The following LCOR variants were observed in gnomAD, a reference collection of about 807,000 sequenced individuals.
LCOR encodes ligand dependent nuclear receptor corepressor, also known as ligand-dependent corepressor.
Under a neutral mutation model 64.4 loss-of-function variants are expected in LCOR, and 14 were observed. That is an observed-to-expected ratio of 0.22 (90% confidence interval 0.14 to 0.34). The LOEUF (loss-of-function observed/expected upper bound fraction) is 0.34, where lower values mean the gene tolerates loss of function less well. LCOR is among the 10% of genes least tolerant of loss of function. The probability of loss-of-function intolerance (pLI) is 1.00; values close to 1 mark genes in which losing one functional copy is unlikely to be tolerated. For missense variants in LCOR, 1,686 were observed against 1,765.3 expected, an observed-to-expected ratio of 0.96 and a Z score of 0.80; for synonymous variants, 643 against 642.5, an observed-to-expected ratio of 1.00 and a Z score of -0.01.
In LCOR at chr10:96,993,112, C is replaced by G. The variant is rs1442822166; in HGVS notation, c.*7978C>G. 6.6e-6 allele frequency: 1 copy of G among 152,218 alleles called. No individual in the cohort carries two copies. Among genetic ancestry groups the G allele is most frequent in the Admixed American group, 6.5e-5 (1 of 15,288 alleles). The allele number at this position is 152,218 out of a possible 1,614,324, so 9.4% of individuals were successfully genotyped here. ...GAACCAGTGCTTTATGATCATGTTCCTCTTCTCTGTGCCCTGTCCTTCGGC... is the reference window on the plus strand; with the variant it reads ...GAACCAGTGCTTTATGATCATGTTCGTCTTCTCTGTGCCCTGTCCTTCGGC... On this transcript the variant is annotated 3_prime_UTR_variant, in exon 8 of 8. Transcript: ENST00000421806.
chr10:96,865,182 T>C (rs955808185), intron 2 of LCOR, among the ~76,000 whole-genome samples: 6 of 152,194 alleles, frequency 3.9e-5, no homozygotes, highest in Admixed American at 6.5e-5. Flanking sequence ...TTCTGGTTTA[T>C]ATAAAAATTT....
intron 7 of LCOR, among the ~76,000 whole-genome samples, chr10:96,971,360 T>C (rs1008083755): frequency 3.3e-5 from 5 of 152,194 alleles, no homozygotes; most frequent in Non-Finnish European, 2.9e-5. Context: ...CATAATAATT[T>C]ATTTGAATAG....
intron 2 of LCOR, among the ~76,000 whole-genome samples, chr10:96,851,025 G>A (rs577347963): frequency 5.3e-5 from 8 of 152,346 alleles, no homozygotes; most frequent in African/African-American, 1.7e-4. Context: ...TAAACTTGAT[G>A]TAATAGGCAA....
intron 2 of LCOR, among the ~76,000 whole-genome samples, chr10:96,891,443 C>T (rs1229648295): frequency 1.5e-5 from 2 of 132,104 alleles, no homozygotes; most frequent in African/African-American, 5.9e-5. Context: ...TGATTTTTTC[C>T]GAGAAATTTT....
intron 7 of LCOR, chr10:96,956,713 G>A: frequency 3.0e-6 from 3 of 985,806 alleles, no homozygotes; most frequent in Non-Finnish European, 3.6e-6. Context: ...TGAGGATATA[G>A]CCTTATCTCA....
chr10:96,991,549 G>C lies in LCOR; in HGVS notation c.*6415G>C, dbSNP rs761031777. The C allele has an allele frequency of 2.6e-5, 4 of 152,182 alleles. No homozygotes were observed. The highest frequency in any genetic ancestry group is 4.4e-5 in the Non-Finnish European group (3 of 68,044). The allele number at this position is 152,182 out of a possible 1,614,324, so 9.4% of individuals were successfully genotyped here. A position where few individuals can be genotyped will look rare whatever the true frequency, so the allele number is the denominator to read the frequency against. ...ATGCGATGTGTTGGTTTTACCCCTA[G>C]AACCCTTCATTTCTCTTTTGTATCA... On this transcript the variant is annotated 3_prime_UTR_variant, in exon 8 of 8. Coordinates refer to ENST00000421806, the MANE Select transcript of LCOR (RefSeq NM_001346516.2).
At chr10:96,942,054 GGC>G (rs1847495806) in intron 4 of LCOR, among the ~76,000 whole-genome samples, 1 of 136,688 alleles carries the variant, frequency 7.3e-6, no homozygotes, top group South Asian at 2.5e-4. Context: ...GCTGGGCAGA[GGC>G]TGCAATCTCG....
chr10:96,981,820 AAAAG>A lies in LCOR; in HGVS notation c.1361_1364del (p.Lys454IlefsTer7). The A allele has an allele frequency of 6.2e-7, 1 of 1,614,266 alleles. No individual in the cohort carries two copies. Among genetic ancestry groups the A allele is most frequent in the Non-Finnish European group, 8.5e-7 (1 of 1,180,054 alleles). ...ATCAACCTCCATCAAGACAGCTCGG[AAAAG>A]TAAAAGGGCATCAGGGCTGAGGATA... On this transcript the variant is annotated frameshift_variant, in exon 8 of 8. Coordinates refer to ENST00000421806, the MANE Select transcript of LCOR (RefSeq NM_001346516.2). LOFTEE classifies it low-confidence loss of function (END_TRUNC).
intron 4 of LCOR, among the ~76,000 whole-genome samples, chr10:96,914,776 T>C (rs558293273): frequency 6.6e-6 from 1 of 152,246 alleles, no homozygotes; most frequent in African/African-American, 2.4e-5. Context: ...ACCCTGACTT[T>C]AAGGAAGTGA....
At chr10:96,934,048 A>C (rs1025313344) in intron 4 of LCOR, among the ~76,000 whole-genome samples, 5 of 152,238 alleles carry the variant, frequency 3.3e-5, no homozygotes, top group Admixed American at 1.3e-4. Context: ...TGTTCACCTT[A>C]GCAAATTTCA....
intron 4 of LCOR, among the ~76,000 whole-genome samples, chr10:96,916,895 G>C (rs140119687): frequency 9.9e-5 from 15 of 152,176 alleles, no homozygotes; most frequent in Non-Finnish European, 1.8e-4. Context: ...GATTACAGGC[G>C]TGAGCCACTG....
At chr10:96,886,821 C>T (rs1391411891) in intron 2 of LCOR, among the ~76,000 whole-genome samples, 1 of 152,188 alleles carries the variant, frequency 6.6e-6, no homozygotes, top group African/African-American at 2.4e-5. Context: ...CAAAAGTACC[C>T]ATTTATTCCT....
intron 2 of LCOR, among the ~76,000 whole-genome samples, chr10:96,873,806 AT>A (rs1846118543): frequency 6.6e-6 from 1 of 151,958 alleles, no homozygotes; most frequent in Non-Finnish European, 1.5e-5. Context: ...GTTTCACCAT[AT>A]TGGTAATGCT....
At chr10:96,841,496 G>T (rs1329430449) in intron 2 of LCOR, among the ~76,000 whole-genome samples, 1 of 151,952 alleles carries the variant, frequency 6.6e-6, no homozygotes, top group Admixed American at 6.6e-5. Context: ...GAGTAGCTGG[G>T]ATTAGAGGTG....
chr10:96,872,568 C>A (rs1316014413), intron 2 of LCOR, among the ~76,000 whole-genome samples: 7 of 152,090 alleles, frequency 4.6e-5, no homozygotes, highest in Non-Finnish European at 1.0e-4. Context: ...ACCTGTAGTC[C>A]CAGCTACTTG....
At chr10:96,966,804 C>T (rs1421266382) in intron 7 of LCOR, among the ~76,000 whole-genome samples, 1 of 152,218 alleles carries the variant, frequency 6.6e-6, no homozygotes, top group African/African-American at 2.4e-5. Flanking sequence ...GGCATGATCA[C>T]GGTTCACTGC....
chr10:96,983,933 G>A lies in LCOR; in HGVS notation c.3473G>A (p.Cys1158Tyr). Residue 1158 changes from cysteine (C) to tyrosine (Y), a missense_variant, in exon 8 of 8, where the codon TGT (cysteine) becomes TAT (tyrosine). Around this residue, in one of 3 missense-constraint regions of LCOR, gnomAD observed 1,293 missense variants for 1,410.4 expected, o/e 0.92. Coordinates refer to ENST00000421806, the MANE Select transcript of LCOR (RefSeq NM_001346516.2). The surrounding 1 kb of genome is among the most constrained non-coding windows in gnomAD (Gnocchi z 4.5). ...IWKSKKRSRK[C>Y]RSSLESQKCS... ...AAAAGCAAGAAAAGGTCACGGAAAT[G>A]TAGGAGTTCATTGGAGAGTCAGAAG... The A allele has an allele frequency of 6.2e-7, 1 of 1,614,196 alleles. No homozygotes were observed. The highest frequency in any genetic ancestry group is 1.6e-4 in the Middle Eastern group (1 of 6,062).
rs1281484364 is a variant in LCOR, at chr10:96,932,336, C to G, written c.-183-11777C>G. 1.4e-4 allele frequency among the ~76,000 whole-genome samples: 22 copies of G among 152,096 alleles called. 1 individual carries two copies. The South Asian group carries it at 4.4e-3, about 30-fold the overall frequency. On this transcript the variant is annotated intron_variant, in intron 4 of 7. Transcript: ENST00000421806. ...TATTGGTTAATCATTATATTGCTTC[C>G]AGTAAACTCATAGGAAAGGAAAAAA...
At position 96,891,725 on chromosome 10, in the gene LCOR, T is replaced by C. The variant is rs1191453244; in HGVS notation, c.-329-15540T>C. On this transcript the variant is annotated intron_variant, in intron 2 of 7. Transcript: ENST00000421806. Reference sequence around the variant, plus strand: ...GTCCAACTAATTTTTGTATTTTTAGTTAGAGACAGGTTTTTACCATGTTGG... The same window carrying C: ...GTCCAACTAATTTTTGTATTTTTAGCTAGAGACAGGTTTTTACCATGTTGG... Among the ~76,000 whole-genome samples the C allele has an allele frequency of 3.3e-5, 5 of 151,668 alleles. No individual in the cohort carries two copies. In the East Asian group the frequency reaches 9.7e-4, roughly 29 times the overall value.
Sources: allele counts gnomAD v4.1 joint callset (sites outside exome capture counted in the v4.1 genomes callset), GRCh38; gene constraint gnomAD v4.1.1; regional missense constraint gnomAD v4.1.1; non-coding constraint Gnocchi (gnomAD v3.1); transcripts MANE v1.5; gene names NCBI Gene and HGNC (gene_info 2026-07-23, HGNC 2026-07-21).